Variants in CAB39 observed in about 807,000 individuals in gnomAD.
CAB39 encodes calcium binding protein 39, also known as calcium-binding protein 39.
In CAB39, 8 loss-of-function variants were observed where a neutral mutation model predicts 40.0. The ratio of observed to expected loss-of-function variants is 0.20; its 90% CI spans 0.12 to 0.36. The LOEUF is 0.36. Ranked by LOEUF, CAB39 falls within the 10% of genes least tolerant of loss-of-function variation. The pLI is 1.00. For missense variants in CAB39, 270 were observed against 401.1 expected (o/e 0.67, Z 2.79); for synonymous variants, 156 against 141.6 (o/e 1.10, Z -0.72).
chr2:230,808,573 C>A (rs1229888573), intron 5 of CAB39, among the ~76,000 whole-genome samples: 1 of 152,198 alleles, frequency 6.6e-6, no homozygotes, highest in Non-Finnish European at 1.5e-5. Context: ...TTCTTCTTCT[C>A]CTTCCCCTGG....
intron 2 of CAB39, among the ~76,000 whole-genome samples, chr2:230,778,327 C>T (rs1050770753): frequency 1.1e-4 from 17 of 152,118 alleles, no homozygotes; most frequent in Non-Finnish European, 1.5e-5. Context: ...TGCTTGAGTC[C>T]AGAGGAGGAG....
chr2:230,749,468 A>C (rs1695047322), intron 1 of CAB39, among the ~76,000 whole-genome samples: 1 of 152,196 alleles, frequency 6.6e-6, no homozygotes, highest in South Asian at 2.1e-4. Flanking sequence ...CTTTGTAAAT[A>C]CTTAACCTTA....
In CAB39 at chr2:230,818,962, A is replaced by G; in HGVS notation, c.*258A>G. ...AGACTGTGCTACGGGAGTTCTGAAC[A>G]TGGCTGGGTTCATGAAGGCAAATGT... On this transcript the variant is annotated 3_prime_UTR_variant, in exon 9 of 9. Transcript: ENST00000258418. 2.8e-6 allele frequency: 1 copy of G among 358,482 alleles called. No homozygotes were observed. The highest frequency in any genetic ancestry group is 5.2e-6 in the Non-Finnish European group (1 of 191,258). 22.2% of individuals were successfully genotyped at this position (358,482 alleles called of 1,614,324 possible). A position where few individuals can be genotyped will look rare whatever the true frequency, so the allele number is the denominator to read the frequency against.
intron 5 of CAB39, among the ~76,000 whole-genome samples, chr2:230,801,825 C>T (rs1575956653): frequency 6.6e-6 from 1 of 151,672 alleles, no homozygotes. Context: ...GCCGAGATCA[C>T]TCCACTGCAC....
intron 7 of CAB39, among the ~76,000 whole-genome samples, chr2:230,816,957 C>T (rs373024260): frequency 1.9e-4 from 29 of 152,210 alleles, no homozygotes; most frequent in Non-Finnish European, 3.1e-4. Flanking sequence ...GCCCCACTGC[C>T]GGCTCTGCAC....
chr2:230,818,031 G>C, intron 8 of CAB39, 134 bp downstream of exon 8: 1 of 788,172 alleles, frequency 1.3e-6, no homozygotes, highest in Non-Finnish European at 2.0e-6. Context: ...TTTCATATTT[G>C]TGTGCTATGA....
Position 230,765,451 on chromosome 2 carries a change from C to T in CAB39, c.114+5336C>T, listed in dbSNP as rs185646185. Among the ~76,000 whole-genome samples the T allele has an allele frequency of 2.0e-5, 3 of 152,214 alleles. No individual in the cohort carries two copies. The East Asian group carries it at 5.8e-4, about 29-fold the overall frequency. On this transcript the variant is annotated intron_variant, in intron 2 of 8. Transcript: ENST00000258418. ...GACGCTTTGAAAGGGTCTTGAGGAC[C>T]TCAAGGGTCCGCACTTTGAAAGGTA... is the stretch of plus-strand genomic sequence containing the variant.
chr2:230,816,877 G>T (rs1696411101), intron 7 of CAB39, among the ~76,000 whole-genome samples: 2 of 152,096 alleles, frequency 1.3e-5, no homozygotes, highest in African/African-American at 4.8e-5. Flanking sequence ...TGGAACCCAG[G>T]CAGGCTGGCA....
At chr2:230,731,274 TGCATAAG>T (rs1289251792) in intron 1 of CAB39, among the ~76,000 whole-genome samples, 1 of 152,258 alleles carries the variant, frequency 6.6e-6, no homozygotes, top group Non-Finnish European at 1.5e-5. Flanking sequence ...TGCATTGAGA[TGCATAAG>T]GCAAGACGAT....
At chr2:230,764,645 G>T (rs2720162) in intron 2 of CAB39, among the ~76,000 whole-genome samples, 103,090 of 152,116 alleles carry the variant, frequency 0.68, 36,207 homozygotes, top group African/African-American at 0.87. Flanking sequence ...TCATGATCTA[G>T]TCAAATTTCA....
chr2:230,797,564 T>C (rs920152270), intron 4 of CAB39, among the ~76,000 whole-genome samples: 1 of 151,894 alleles, frequency 6.6e-6, no homozygotes, highest in African/African-American at 2.4e-5. Flanking sequence ...GAGATTTGAT[T>C]TGAGACACGT....
chr2:230,770,599 G>A (rs1695464299), intron 2 of CAB39, among the ~76,000 whole-genome samples: 2 of 152,162 alleles, frequency 1.3e-5, no homozygotes, highest in Admixed American at 1.3e-4. Context: ...TGTGAGGTCA[G>A]AATTATAATC....
chr2:230,759,282 C>A (rs189321568), intron 1 of CAB39, among the ~76,000 whole-genome samples: 53 of 152,214 alleles, frequency 3.5e-4, no homozygotes, highest in Non-Finnish European at 5.9e-4. Context: ...AAGTGTGTGC[C>A]ATATTCAGGG....
chr2:230,733,213 G>A (rs940723564), intron 1 of CAB39, among the ~76,000 whole-genome samples: 4 of 152,044 alleles, frequency 2.6e-5, no homozygotes, highest in South Asian at 2.1e-4. Context: ...TTTATTCATC[G>A]TGCCCCCCTT....
At chr2:230,799,524 T>C (rs1481241573) in intron 5 of CAB39, among the ~76,000 whole-genome samples, 2 of 152,254 alleles carry the variant, frequency 1.3e-5, no homozygotes, top group Non-Finnish European at 2.9e-5. Flanking sequence ...ACATACATGA[T>C]GTGACAGCAC....
intron 1 of CAB39, among the ~76,000 whole-genome samples, chr2:230,732,729 T>G (rs190439454): frequency 1.3e-5 from 2 of 152,306 alleles, no homozygotes; most frequent in African/African-American, 4.8e-5. Context: ...TTCTGATTAT[T>G]CAGCAATGAG....
chr2:230,801,313 A>G lies in CAB39; in HGVS notation c.567+2416A>G, dbSNP rs191355065. ...GAAACTCCAGTCAGGGAAGAAAGGAAGACCAGCAGGAACAGCCTTACAGCT... is the reference window on the plus strand; with the variant it reads ...GAAACTCCAGTCAGGGAAGAAAGGAGGACCAGCAGGAACAGCCTTACAGCT... On this transcript the variant is annotated intron_variant, in intron 5 of 8. Coordinates refer to ENST00000258418, the MANE Select transcript of CAB39 (RefSeq NM_016289.4). 4.8e-4 allele frequency among the ~76,000 whole-genome samples: 73 copies of G among 152,366 alleles called. 1 individual carries two copies. The South Asian group carries it at 7.5e-3, about 16-fold the overall frequency.
chr2:230,763,986 G>A (rs1331421947), intron 2 of CAB39, among the ~76,000 whole-genome samples: 1 of 152,052 alleles, frequency 6.6e-6, no homozygotes, highest in Non-Finnish European at 1.5e-5. Context: ...GCCGGGTGTG[G>A]TGGCACGCAC....
intron 2 of CAB39, among the ~76,000 whole-genome samples, chr2:230,781,300 A>G (rs909881521): frequency 1.3e-5 from 2 of 152,152 alleles, no homozygotes; most frequent in Non-Finnish European, 2.9e-5. Context: ...CTCTTGAGGA[A>G]AGTGGAGCCG....
Sources: allele counts gnomAD v4.1 joint callset (sites outside exome capture counted in the v4.1 genomes callset), GRCh38; gene constraint gnomAD v4.1.1; transcripts MANE v1.5; gene names NCBI Gene and HGNC (gene_info 2026-07-23, HGNC 2026-07-21).